SNX25: variants seen among roughly 807,000 people sequenced by gnomAD.
SNX25 encodes sorting nexin-25.
SNX25 carries 62 observed loss-of-function variants against 113.7 expected under a neutral mutation model. That is an observed-to-expected ratio of 0.55 (90% CI 0.44 to 0.67). The LOEUF (loss-of-function observed/expected upper bound fraction) is 0.67. Among genes scored for constraint, SNX25 ranks in the 30% least tolerant of loss-of-function variants. The probability of loss-of-function intolerance (pLI) is 0.00; values close to 1 mark genes in which losing one functional copy is unlikely to be tolerated. For synonymous variants in SNX25, 421 were observed against 436.2 expected (o/e 0.97, Z 0.43); for missense variants, 1,014 against 1,161.0 (o/e 0.87, Z 1.84).
At position 185,363,429 on chromosome 4, in the gene SNX25, A is replaced by C; in HGVS notation, c.2979A>C (p.Arg993Ser). ...LLLIELCPEL[R>S]VHLDQLKAGQ... Reference sequence around the variant, plus strand: ...TAATTGAACTGTGTCCTGAGCTGAGAGTTCATTTAGATCAACTTAAAGCTG... The same window carrying C: ...TAATTGAACTGTGTCCTGAGCTGAGCGTTCATTTAGATCAACTTAAAGCTG... Residue 993 changes from arginine (R) to serine (S), a missense_variant, in exon 19 of 19, where the codon AGA becomes AGC. Arg to Ser is a moderately radical substitution (Grantham distance 110). Transcript: ENST00000652585. This position sits in a 1 kb window ranked among gnomAD's most constrained non-coding sequence, Gnocchi z 4.2. 1.2e-6 allele frequency: 2 copies of C among 1,614,136 alleles called. No individual in the cohort carries two copies. Among genetic ancestry groups the C allele is most frequent in the South Asian group, 1.1e-5 (1 of 91,084 alleles).
At chr4:185,261,114 C>CTGTGTGTGTGTGTGTGTGTG (rs369434936) in intron 3 of SNX25, among the ~76,000 whole-genome samples, 1 of 141,658 alleles carries the variant, frequency 7.1e-6, no homozygotes, top group Non-Finnish European at 1.5e-5. Flanking sequence ...CTGTCTGTCT[C>CTGTGTGTGTGTGTGTGTGTG]TGTGTGTGTG....
chr4:185,355,808 G>A (rs2095336251), intron 15 of SNX25, among the ~76,000 whole-genome samples: 1 of 152,162 alleles, frequency 6.6e-6, no homozygotes, highest in South Asian at 2.1e-4. Context: ...TAAATCATGA[G>A]TCTCCCCAGT....
At chr4:185,322,047 T>C (rs2095124395) in intron 8 of SNX25, among the ~76,000 whole-genome samples, 1 of 152,220 alleles carries the variant, frequency 6.6e-6, no homozygotes, top group Admixed American at 6.5e-5. Flanking sequence ...GGCAACCGTA[T>C]ATGTATGTAT....
intron 5 of SNX25, among the ~76,000 whole-genome samples, 182 bp downstream of exon 5, chr4:185,267,337 T>C (rs959961030): frequency 6.6e-6 from 1 of 152,128 alleles, no homozygotes; most frequent in Non-Finnish European, 1.5e-5. Context: ...AGAATGAATT[T>C]TTTTAAAGTA....
At chr4:185,293,802 A>G (rs1161941448) in intron 6 of SNX25, among the ~76,000 whole-genome samples, 1 of 152,156 alleles carries the variant, frequency 6.6e-6, no homozygotes, top group Non-Finnish European at 1.5e-5. Context: ...AGTAATGAAA[A>G]CATTTCAAAA....
At chr4:185,271,171 CT>C (rs1748872316) in intron 5 of SNX25, among the ~76,000 whole-genome samples, 1 of 152,180 alleles carries the variant, frequency 6.6e-6, no homozygotes, top group African/African-American at 2.4e-5. Flanking sequence ...GTATATTCCT[CT>C]GTCTTCCTTC....
At chr4:185,269,380 A>G (rs1748594256) in intron 5 of SNX25, among the ~76,000 whole-genome samples, 1 of 152,202 alleles carries the variant, frequency 6.6e-6, no homozygotes, top group Admixed American at 6.5e-5. Context: ...TGGTGTGACA[A>G]GGTGACATGA....
At chr4:185,237,277 G>A (rs1341179843) in intron 1 of SNX25, among the ~76,000 whole-genome samples, 1 of 152,030 alleles carries the variant, frequency 6.6e-6, no homozygotes, top group Non-Finnish European at 1.5e-5. Context: ...TTAGTTCATG[G>A]TTCAGCACAA....
rs576340991 is a variant in SNX25, at chr4:185,287,361, A to G, written c.1092-651A>G. On this transcript the variant is annotated intron_variant, in intron 5 of 18. Transcript: ENST00000652585. ...AAAATACTGATGCGAGTCCTGGTGCAGATATTTTGATTCTGTTGGGTTGGG... is the reference window on the plus strand; with the variant it reads ...AAAATACTGATGCGAGTCCTGGTGCGGATATTTTGATTCTGTTGGGTTGGG... Among the ~76,000 whole-genome samples, 193 of 152,280 alleles carry G rather than the reference A, an allele frequency of 1.3e-3. 1 individual carries two copies. The highest frequency in any genetic ancestry group is 2.5e-3 in the Non-Finnish European group (172 of 68,020).
At position 185,261,124 on chromosome 4, in the gene SNX25, G is replaced by GTGTGTC. The variant is rs201175733; in HGVS notation, c.731+2065_731+2066insCTGTGT. Reference sequence around the variant, plus strand: ...TCTGTCTGTCTGTCTCTGTGTGTGTGTGTGTGTGTGTGTGTGTGTGTGTGT... The same window carrying GTGTGTC: ...TCTGTCTGTCTGTCTCTGTGTGTGTGTGTGTCTGTGTGTGTGTGTGTGTGTGTGTGT... On this transcript the variant is annotated intron_variant, in intron 3 of 18. Transcript: ENST00000652585. Among the ~76,000 whole-genome samples, 706 of 142,698 alleles carry GTGTGTC rather than the reference G, an allele frequency of 4.9e-3. 5 individuals carry two copies. Among genetic ancestry groups the GTGTGTC allele is most frequent in the African/African-American group, 0.018 (674 of 38,254 alleles). 93.6% of individuals were successfully genotyped at this position (142,698 alleles called of 152,430 possible).
Position 185,287,807 on chromosome 4 carries a change from G to A in SNX25, c.1092-205G>A, listed in dbSNP as rs192476954. On this transcript the variant is annotated intron_variant, in intron 5 of 18. Transcript: ENST00000652585. ...AAGTGAGGAGGCTCCTGATGTTTACGTGAGGGCCTCAGAATGACTAGCGCG... is the reference window on the plus strand; with the variant it reads ...AAGTGAGGAGGCTCCTGATGTTTACATGAGGGCCTCAGAATGACTAGCGCG... 4.1e-3 allele frequency among the ~76,000 whole-genome samples: 511 copies of A among 123,790 alleles called. 1 individual carries two copies. Among genetic ancestry groups the A allele is most frequent in the Middle Eastern group, 0.028 (7 of 252 alleles). 81.2% of individuals were successfully genotyped at this position (123,790 alleles called of 152,430 possible). A position where few individuals can be genotyped will look rare whatever the true frequency, so the allele number is the denominator to read the frequency against.
intron 1 of SNX25, among the ~76,000 whole-genome samples, chr4:185,225,180 G>A (rs985431041): frequency 3.4e-5 from 5 of 148,320 alleles, no homozygotes; most frequent in Admixed American, 1.4e-4. Context: ...GTGCAGTGGC[G>A]CCATCTCGGC....
upstream of SNX25, among the ~76,000 whole-genome samples, chr4:185,205,881 A>G (rs559357669): frequency 6.6e-6 from 1 of 152,342 alleles, no homozygotes; most frequent in African/African-American, 2.4e-5. Flanking sequence ...GGACTTGAGT[A>G]GATATTTCTC....
At chr4:185,218,414 A>C (rs1739237019) in intron 1 of SNX25, among the ~76,000 whole-genome samples, 2 of 152,174 alleles carry the variant, frequency 1.3e-5, no homozygotes, top group African/African-American at 4.8e-5. Context: ...AGTATGGTGG[A>C]GCTTTCCAGA....
chr4:185,341,827 A>G, intron 11 of SNX25, 149 bp from the exon 12 acceptor site: 1 of 723,472 alleles, frequency 1.4e-6, no homozygotes, highest in Non-Finnish European at 2.0e-6. Context: ...CTTAGTTACT[A>G]GAATAAAATC....
Position 185,212,491 on chromosome 4 carries a change from G to GTTTTTGTTTT in SNX25, c.429+2241_429+2242insGTTTTTTTTT, listed in dbSNP as rs59085661. Among the ~76,000 whole-genome samples, 340 of 104,910 alleles carry GTTTTTGTTTT rather than the reference G, an allele frequency of 3.2e-3. 21 individuals are homozygous for GTTTTTGTTTT. Among genetic ancestry groups the GTTTTTGTTTT allele is most frequent in the East Asian group, 4.8e-3 (18 of 3,714 alleles). The allele number at this position is 104,910 out of a possible 152,430, so 68.8% of individuals were successfully genotyped here. A position where few individuals can be genotyped will look rare whatever the true frequency, so the allele number is the denominator to read the frequency against. ...TGTGTGTGTGTGTGTGTGTGTGTGT[G>GTTTTTGTTTT]TTTTTTTTTTTTTTTGCTTTGAGAC... On this transcript the variant is annotated intron_variant, in intron 1 of 18. Transcript: ENST00000652585.
chr4:185,209,653 G>A lies in SNX25; in HGVS notation c.-174G>A. 1 of 813,552 alleles carries A rather than the reference G, an allele frequency of 1.2e-6. No homozygotes were observed. The highest frequency in any genetic ancestry group is 1.5e-6 in the Non-Finnish European group (1 of 673,056). The allele number at this position is 813,552 out of a possible 1,614,324, so 50.4% of individuals were successfully genotyped here. ...GCCCGGCCCGGCAGCTACGGGCCCA[G>A]CGCCTGGTGGCGGCGCTGAGGGGTC... On this transcript the variant is annotated 5_prime_UTR_variant, in exon 1 of 19. Transcript: ENST00000652585. The surrounding 1 kb of genome is among the most constrained non-coding windows in gnomAD (Gnocchi z 5.2).
chr4:185,222,862 G>A (rs1740214295), intron 1 of SNX25, among the ~76,000 whole-genome samples: 1 of 152,194 alleles, frequency 6.6e-6, no homozygotes, highest in African/African-American at 2.4e-5. Context: ...GCTTGCTTAA[G>A]GGAGAAGTCT....
At position 185,351,451 on chromosome 4, in the gene SNX25, C is replaced by G. The variant is rs377433294; in HGVS notation, c.2308C>G (p.Leu770Val). ...NQLNKFLQNLLSDERLCQSEA... is the reference protein window; with the variant it reads ...NQLNKFLQNLVSDERLCQSEA... ...AATCCTCTTTCTTCCATAGAATCTG[C>G]TTTCAGATGAAAGACTGTGTCAGAG... Residue 770 changes from leucine (L) to valine (V), a missense_variant, in exon 14 of 19, where the codon CTT becomes GTT. By Grantham distance (32) the Leu-to-Val change is conservative (BLOSUM62 1). Transcript: ENST00000652585. The G allele has an allele frequency of 6.2e-7, 1 of 1,613,512 alleles. No individual in the cohort carries two copies. Among genetic ancestry groups the G allele is most frequent in the East Asian group, 2.2e-5 (1 of 44,888 alleles).
Sources: allele counts gnomAD v4.1 joint callset (sites outside exome capture counted in the v4.1 genomes callset), GRCh38; gene constraint gnomAD v4.1.1; non-coding constraint Gnocchi (gnomAD v3.1); transcripts MANE v1.5; gene names NCBI Gene and HGNC (gene_info 2026-07-23, HGNC 2026-07-21).